The following IQSEC1 variants were observed in gnomAD, a reference collection of about 807,000 sequenced individuals.
The protein encoded by IQSEC1 is IQ motif and SEC7 domain-containing protein 1.
A neutral mutation model predicts 91.0 loss-of-function variants in IQSEC1; 31 were observed. That is an observed-to-expected ratio of 0.34 (90% CI 0.26 to 0.46). The LOEUF (loss-of-function observed/expected upper bound fraction) is 0.46. Among genes scored for constraint, IQSEC1 ranks in the 20% least tolerant of loss-of-function variants. The pLI is 1.00. For missense variants in IQSEC1, 1,388 were observed against 1,575.6 expected, an observed-to-expected ratio of 0.88 and a Z score of 2.02; for synonymous variants, 699 against 662.6, an observed-to-expected ratio of 1.05 and a Z score of -0.84.
chr3:13,113,807 G>C (rs575348893), intron 2 of IQSEC1, among the ~76,000 whole-genome samples: 1 of 152,218 alleles, frequency 6.6e-6, no homozygotes, highest in African/African-American at 2.4e-5. Flanking sequence ...GCTACAACAC[G>C]GAACTGTTCA....
intron 1 of IQSEC1, among the ~76,000 whole-genome samples, chr3:13,007,721 G>A (rs547141734): frequency 6.8e-4 from 103 of 152,312 alleles, no homozygotes; most frequent in African/African-American, 2.4e-3. Context: ...GCCTCCGCAG[G>A]CCACCCACTC....
chr3:13,079,135 C>T (rs61106206), intron 2 of IQSEC1, among the ~76,000 whole-genome samples: 16,865 of 152,212 alleles, frequency 0.11, 1,098 homozygotes, highest in Middle Eastern at 0.16. Context: ...AGAGCAGGGC[C>T]GGGCCTGTGG....
chr3:12,957,455 C>T (rs1423464790), intron 1 of IQSEC1, among the ~76,000 whole-genome samples: 1 of 152,232 alleles, frequency 6.6e-6, no homozygotes, highest in East Asian at 1.9e-4. Context: ...ATCTTCCCGG[C>T]TGAGCCAAAT....
At position 12,900,835 on chromosome 3, in the gene IQSEC1, C is replaced by T. The variant is rs528705330; in HGVS notation, c.*148G>A. 6.6e-7 allele frequency: 1 copy of T among 1,513,786 alleles called. No homozygotes were observed. The highest frequency in any genetic ancestry group is 2.5e-5 in the East Asian group (1 of 40,744). 93.8% of individuals were successfully genotyped at this position (1,513,786 alleles called of 1,614,324 possible). ...TTCCACACAACACCAGCCCTGTGGG[C>T]TCCTGGGGCTCCGGTTGGGCCGTGA... On this transcript the variant is annotated 3_prime_UTR_variant, in exon 14 of 14. Transcript: ENST00000613206.
At chr3:13,180,112 C>A (rs566836773) in intron 1 of IQSEC1, among the ~76,000 whole-genome samples, 4 of 149,740 alleles carry the variant, frequency 2.7e-5, no homozygotes, top group Admixed American at 6.6e-5. Context: ...GTGCATGGTG[C>A]GGGACTGGCA....
intron 1 of IQSEC1, among the ~76,000 whole-genome samples, chr3:12,974,858 C>T (rs1475911164): frequency 1.3e-5 from 2 of 152,246 alleles, no homozygotes; most frequent in Non-Finnish European, 2.9e-5. Flanking sequence ...TGGGCTTGGC[C>T]CCCTGGGGCA....
At chr3:12,912,640 C>G (rs1447320035) in intron 9 of IQSEC1, among the ~76,000 whole-genome samples, 1 of 149,422 alleles carries the variant, frequency 6.7e-6, no homozygotes, top group Non-Finnish European at 1.5e-5. Flanking sequence ...GTCCGCAGTC[C>G]CGCCTGGGCG....
chr3:12,956,195 C>T (rs1200010764), intron 1 of IQSEC1, among the ~76,000 whole-genome samples: 2 of 152,184 alleles, frequency 1.3e-5, no homozygotes, highest in Non-Finnish European at 2.9e-5. Flanking sequence ...TATCGCCCAC[C>T]CACACCTGGG....
chr3:13,136,182 T>A (rs148105743), intron 2 of IQSEC1, among the ~76,000 whole-genome samples: 75 of 152,292 alleles, frequency 4.9e-4, no homozygotes, highest in African/African-American at 1.8e-3. Flanking sequence ...CGTGAGGGCC[T>A]TGGGACTGAG....
At position 12,899,707 on chromosome 3, in the gene IQSEC1, CAA is replaced by C; in HGVS notation, c.*1274_*1275del. On this transcript the variant is annotated 3_prime_UTR_variant, in exon 14 of 14. Transcript: ENST00000613206. ...GTGATCACTGCTACCACTCAGAAAA[CAA>C]AACGGGAAACACACACACCGCCCTG... 1.0e-6 allele frequency: 1 copy of C among 985,388 alleles called. No homozygotes were observed. Among genetic ancestry groups the C allele is most frequent in the Non-Finnish European group, 1.2e-6 (1 of 829,902 alleles). The allele number at this position is 985,388 out of a possible 1,614,324, so 61.0% of individuals were successfully genotyped here. A position where few individuals can be genotyped will look rare whatever the true frequency, so the allele number is the denominator to read the frequency against.
chr3:13,095,691 C>T (rs774426771), intron 2 of IQSEC1, among the ~76,000 whole-genome samples: 14 of 152,130 alleles, frequency 9.2e-5, no homozygotes, highest in Non-Finnish European at 1.6e-4. Flanking sequence ...GAGGTGGGGA[C>T]GTCCTTCCTC....
At chr3:13,203,673 G>A (rs1005291658) in intron 1 of IQSEC1, among the ~76,000 whole-genome samples, 3 of 152,202 alleles carry the variant, frequency 2.0e-5, no homozygotes, top group African/African-American at 4.8e-5. Flanking sequence ...CAGAGAGGAC[G>A]TGGTGGGTCT....
chr3:13,026,478 A>G (rs1703617542), intron 1 of IQSEC1, among the ~76,000 whole-genome samples: 1 of 152,196 alleles, frequency 6.6e-6, no homozygotes, highest in Non-Finnish European at 1.5e-5. Flanking sequence ...CCCAGTCAAC[A>G]TTCATTAATT....
At chr3:13,278,035 C>T (rs1017814585) in intron 1 of IQSEC1, among the ~76,000 whole-genome samples, 23 of 152,314 alleles carry the variant, frequency 1.5e-4, no homozygotes, top group African/African-American at 4.6e-4. Flanking sequence ...CCTGAGCTTG[C>T]CTCTGAACTG....
chr3:13,189,225 T>C (rs567717183), intron 1 of IQSEC1, among the ~76,000 whole-genome samples: 40 of 152,340 alleles, frequency 2.6e-4, no homozygotes, highest in African/African-American at 8.2e-4. Context: ...GCCCATGACA[T>C]TGGCTCCCTC....
chr3:13,195,243 A>G (rs1306745348), intron 1 of IQSEC1, among the ~76,000 whole-genome samples: 1 of 152,226 alleles, frequency 6.6e-6, no homozygotes, highest in Non-Finnish European at 1.5e-5. Flanking sequence ...AAACGGTTCA[A>G]TGATGTTAGC....
intron 1 of IQSEC1, among the ~76,000 whole-genome samples, chr3:12,968,633 A>G (rs1700753076): frequency 6.6e-6 from 1 of 151,966 alleles, no homozygotes; most frequent in South Asian, 2.1e-4. Flanking sequence ...TTGTATGTTT[A>G]CTTGTTTATT....
chr3:13,260,755 A>AG (rs1695368591), intron 1 of IQSEC1, among the ~76,000 whole-genome samples: 1 of 145,224 alleles, frequency 6.9e-6, no homozygotes, highest in Non-Finnish European at 1.5e-5. Context: ...TCCTCCTGGC[A>AG]GGGTGCACGG....
chr3:13,220,209 A>G (rs1296253279), intron 1 of IQSEC1, among the ~76,000 whole-genome samples: 2 of 152,246 alleles, frequency 1.3e-5, no homozygotes, highest in Non-Finnish European at 2.9e-5. Flanking sequence ...GGCCTGGAGC[A>G]AACTGGAGAG....
Sources: allele counts gnomAD v4.1 joint callset (sites outside exome capture counted in the v4.1 genomes callset), GRCh38; gene constraint gnomAD v4.1.1; transcripts MANE v1.5; gene names NCBI Gene and HGNC (gene_info 2026-07-23, HGNC 2026-07-21).